The following CMTM8 variants were observed in gnomAD, a reference collection of about 807,000 sequenced individuals.
CMTM8 encodes CKLF-like MARVEL transmembrane domain-containing protein 8.
A neutral mutation model predicts 18.6 loss-of-function variants in CMTM8; 12 were observed. The observed-to-expected ratio is 0.65, with a 90% confidence interval of 0.41 to 1.05. The LOEUF (loss-of-function observed/expected upper bound fraction) is 1.05, where lower values mean the gene tolerates loss of function less well. CMTM8 is among the 50% of genes least tolerant of loss of function. CMTM8 has a pLI of 0.00. For synonymous variants in CMTM8, 87 were observed against 90.6 expected, an observed-to-expected ratio of 0.96 and a Z score of 0.23; for missense variants, 217 against 227.2, an observed-to-expected ratio of 0.95 and a Z score of 0.29.
At chr3:32,268,102 C>A (rs978655974) in intron 1 of CMTM8, among the ~76,000 whole-genome samples, 1 of 152,046 alleles carries the variant, frequency 6.6e-6, no homozygotes, top group Non-Finnish European at 1.5e-5. Flanking sequence ...GGGTATATAC[C>A]CAAAGGATTA....
At position 32,238,861 on chromosome 3, in the gene CMTM8, G is replaced by C; in HGVS notation, c.-112G>C. The C allele has an allele frequency of 9.8e-7, 1 of 1,019,110 alleles. No individual in the cohort carries two copies. The highest frequency in any genetic ancestry group is 3.5e-5 in the South Asian group (1 of 28,702). The allele number at this position is 1,019,110 out of a possible 1,614,324, so 63.1% of individuals were successfully genotyped here. A position where few individuals can be genotyped will look rare whatever the true frequency, so the allele number is the denominator to read the frequency against. ...GCCCCCCTCGCACCTCCTGCCCCGC[G>C]CGGGCCGCGCTCCCCTCCCCCGCGC... is the stretch of plus-strand genomic sequence containing the variant. On this transcript the variant is annotated 5_prime_UTR_variant, in exon 1 of 4. Coordinates refer to ENST00000307526, the MANE Select transcript of CMTM8 (RefSeq NM_178868.5).
At chr3:32,280,401 G>C (rs1361005225) in intron 1 of CMTM8, among the ~76,000 whole-genome samples, 1 of 151,974 alleles carries the variant, frequency 6.6e-6, no homozygotes, top group Admixed American at 6.6e-5. Context: ...CAGACTGGTC[G>C]TGGGCCTAGT....
At chr3:32,251,375 G>A (rs1381953466) in intron 1 of CMTM8, among the ~76,000 whole-genome samples, 1 of 152,080 alleles carries the variant, frequency 6.6e-6, no homozygotes, top group African/African-American at 2.4e-5. Flanking sequence ...GTGCAGTGGT[G>A]TGATCATTGC....
chr3:32,300,173 G>A (rs1422962835), intron 1 of CMTM8, among the ~76,000 whole-genome samples: 1 of 152,210 alleles, frequency 6.6e-6, no homozygotes, highest in Non-Finnish European at 1.5e-5. Flanking sequence ...GTGTGGAACT[G>A]TGGTTGGACC....
At chr3:32,344,520 C>G (rs1057461212) in intron 1 of CMTM8, among the ~76,000 whole-genome samples, 4 of 152,210 alleles carry the variant, frequency 2.6e-5, no homozygotes, top group African/African-American at 7.2e-5. Context: ...GGTAATTCCT[C>G]TGAGCAGCAG....
intron 1 of CMTM8, among the ~76,000 whole-genome samples, chr3:32,268,559 G>C (rs939647628): frequency 3.4e-5 from 5 of 147,578 alleles, no homozygotes; most frequent in African/African-American, 1.0e-4. Flanking sequence ...AAACTTGCAC[G>C]TTGTGCACAT....
intron 1 of CMTM8, among the ~76,000 whole-genome samples, chr3:32,290,907 C>T (rs886283844): frequency 1.3e-5 from 2 of 152,288 alleles, no homozygotes; most frequent in Middle Eastern, 3.4e-3. Context: ...AATTACGAGG[C>T]TGGCTCATTT....
chr3:32,330,740 A>G (rs1696260165), intron 1 of CMTM8, among the ~76,000 whole-genome samples: 1 of 152,228 alleles, frequency 6.6e-6, no homozygotes, highest in South Asian at 2.1e-4. Context: ...ACAATGAGAA[A>G]GAAAGGACAG....
chr3:32,301,840 G>A (rs1479113926), intron 1 of CMTM8, among the ~76,000 whole-genome samples: 1 of 152,118 alleles, frequency 6.6e-6, no homozygotes, highest in East Asian at 1.9e-4. Flanking sequence ...TCCATTTCGA[G>A]TCTGGCTAAC....
At chr3:32,302,321 ATAAC>A (rs1379736284) in intron 1 of CMTM8, among the ~76,000 whole-genome samples, 1 of 152,172 alleles carries the variant, frequency 6.6e-6, no homozygotes, top group African/African-American at 2.4e-5. Context: ...CCCCCACAAA[ATAAC>A]TACCTTGAAG....
chr3:32,268,347 A>G (rs928105094), intron 1 of CMTM8, among the ~76,000 whole-genome samples: 13 of 152,194 alleles, frequency 8.5e-5, no homozygotes, highest in Admixed American at 5.2e-4. Flanking sequence ...CGCAAGGACA[A>G]AAAACCAAAC....
intron 1 of CMTM8, among the ~76,000 whole-genome samples, chr3:32,258,341 A>G (rs1047860060): frequency 6.6e-6 from 1 of 152,134 alleles, no homozygotes; most frequent in Non-Finnish European, 1.5e-5. Context: ...GAGACATTTC[A>G]GTGGAATTTG....
chr3:32,294,447 G>T (rs1384501491), intron 1 of CMTM8, among the ~76,000 whole-genome samples: 1 of 152,148 alleles, frequency 6.6e-6, no homozygotes, highest in Non-Finnish European at 1.5e-5. Flanking sequence ...CTGCTGCCTT[G>T]TGTGGCTGCC....
At chr3:32,280,025 T>A (rs1702582206) in intron 1 of CMTM8, among the ~76,000 whole-genome samples, 1 of 143,756 alleles carries the variant, frequency 7.0e-6, no homozygotes, top group South Asian at 2.4e-4. Flanking sequence ...AACACCCCAC[T>A]GTCAATATAA....
chr3:32,355,127 G>A (rs1253597369), intron 1 of CMTM8, among the ~76,000 whole-genome samples: 1 of 152,102 alleles, frequency 6.6e-6, no homozygotes, highest in East Asian at 1.9e-4. Context: ...GGCTTCTCTC[G>A]GGAAGCAGTT....
intron 2 of CMTM8, among the ~76,000 whole-genome samples, chr3:32,361,018 G>T (rs931047456): frequency 6.6e-6 from 1 of 152,206 alleles, no homozygotes; most frequent in South Asian, 2.1e-4. Context: ...TTTCACTCTT[G>T]TTGCCCAGGC....
intron 1 of CMTM8, among the ~76,000 whole-genome samples, chr3:32,302,805 C>T (rs747254937): frequency 6.6e-6 from 1 of 152,142 alleles, no homozygotes; most frequent in Non-Finnish European, 1.5e-5. Flanking sequence ...AGTACCTGTG[C>T]GCATACACAC....
chr3:32,354,555 G>A (rs759449156), intron 1 of CMTM8, among the ~76,000 whole-genome samples: 9 of 152,290 alleles, frequency 5.9e-5, no homozygotes, highest in Admixed American at 2.6e-4. Flanking sequence ...AATGAAAAAC[G>A]TTTTTGCATT....
chr3:32,359,836 G>A (rs13327412), intron 2 of CMTM8, among the ~76,000 whole-genome samples: 7,715 of 152,160 alleles, frequency 0.051, 278 homozygotes, highest in East Asian at 0.098. Context: ...ATTTATTATC[G>A]TAAGGTGTGT....
Sources: gnomAD v4.1 joint callset for allele counts (sites outside exome capture counted in the v4.1 genomes callset) on GRCh38, gnomAD v4.1.1 for gene constraint, MANE v1.5 for transcripts, NCBI Gene and HGNC (gene_info 2026-07-23, HGNC 2026-07-21) for gene names.